The following ATG7 variants were observed in gnomAD, a reference collection of about 807,000 sequenced individuals.
ATG7 encodes ubiquitin-like modifier-activating enzyme ATG7.
ATG7 carries 70 observed loss-of-function variants against 82.4 expected under a neutral mutation model. That is an observed-to-expected ratio of 0.85 (90% CI 0.70 to 1.04). ATG7 has a LOEUF of 1.04. Among genes scored for constraint, ATG7 ranks in the 50% least tolerant of loss-of-function variants. The probability of loss-of-function intolerance (pLI) is 0.00; values close to 1 mark genes in which losing one functional copy is unlikely to be tolerated. For synonymous variants in ATG7, 287 were observed against 313.0 expected (o/e 0.92, Z 0.88); for missense variants, 792 against 864.3 (o/e 0.92, Z 1.05).
intron 20 of ATG7, among the ~76,000 whole-genome samples, chr3:11,545,704 G>C (rs957622031): frequency 1.3e-4 from 20 of 152,206 alleles, no homozygotes; most frequent in African/African-American, 4.6e-4. Context: ...TCCTGGGCGT[G>C]TGTCTCTCTG....
intron 20 of ATG7, among the ~76,000 whole-genome samples, chr3:11,494,431 T>G (rs11916067): frequency 6.6e-6 from 1 of 152,128 alleles, no homozygotes; most frequent in Admixed American, 6.5e-5. Flanking sequence ...AAATGTAACT[T>G]TAAGTTTGAA....
intron 20 of ATG7, among the ~76,000 whole-genome samples, chr3:11,527,240 G>A (rs1289702686): frequency 6.6e-6 from 1 of 151,998 alleles, no homozygotes; most frequent in Non-Finnish European, 1.5e-5. Flanking sequence ...GAGTAGCTGG[G>A]ATTGCAGGCA....
At chr3:11,347,181 T>C (rs1332280667) in intron 13 of ATG7, among the ~76,000 whole-genome samples, 1 of 152,224 alleles carries the variant, frequency 6.6e-6, no homozygotes, top group Non-Finnish European at 1.5e-5. Flanking sequence ...ATCACTTATC[T>C]TTCCTGGGCA....
At chr3:11,486,730 G>C (rs1232277139) in intron 20 of ATG7, among the ~76,000 whole-genome samples, 1 of 151,804 alleles carries the variant, frequency 6.6e-6, no homozygotes, top group East Asian at 1.9e-4. Flanking sequence ...CTAATTTATT[G>C]AGAGTTTTTA....
chr3:11,554,667 C>G, intron 20 of ATG7, 144 bp from the exon 21 acceptor site: 1 of 1,010,126 alleles, frequency 9.9e-7, no homozygotes. Context: ...TTTCCTTGTA[C>G]AGAAATGGGG....
intron 20 of ATG7, among the ~76,000 whole-genome samples, chr3:11,450,894 A>C (rs543506342): frequency 6.4e-4 from 97 of 152,320 alleles, no homozygotes; most frequent in African/African-American, 2.2e-3. Context: ...AATGCCTTCC[A>C]AAGGGCTGGT....
intron 18 of ATG7, among the ~76,000 whole-genome samples, chr3:11,369,374 A>G (rs1464241773): frequency 6.6e-6 from 1 of 150,924 alleles, no homozygotes; most frequent in Non-Finnish European, 1.5e-5. Flanking sequence ...CTCATGTTTC[A>G]CTATATCAAG....
chr3:11,332,920 C>T (rs1951854271), intron 10 of ATG7, 52 bp from the exon 11 acceptor site: 1 of 1,390,238 alleles, frequency 7.2e-7, no homozygotes. Context: ...TTTTTCTTTT[C>T]CTTCCTTTAA....
rs868201569 is a variant in ATG7, at chr3:11,540,906, T to C, written c.2080-13905T>C. 1.5e-4 allele frequency among the ~76,000 whole-genome samples: 8 copies of C among 52,710 alleles called. 1 individual carries two copies. The highest frequency in any genetic ancestry group is 1.2e-3 in the South Asian group (2 of 1,610). 34.6% of individuals were successfully genotyped at this position (52,710 alleles called of 152,430 possible). The stretch of plus-strand genomic sequence containing the variant: ...AAAAAATTTATAGTTTTAGCTTTTT[T>C]TGGGGGGGGGAGGGGGGGAGTCTTG... On this transcript the variant is annotated intron_variant, in intron 20 of 20. Transcript: ENST00000693202.
chr3:11,470,115 C>T (rs780581746), intron 20 of ATG7, among the ~76,000 whole-genome samples: 1 of 151,950 alleles, frequency 6.6e-6, no homozygotes, highest in African/African-American at 2.4e-5. Flanking sequence ...ATCTGGAAAT[C>T]CCTGGCAAGT....
rs1388861726 is a variant in ATG7 at position 11,556,615 on chromosome 3, T to C, written c.*1772T>C. The C allele has an allele frequency of 6.8e-6, 1 of 146,756 alleles. No individual in the cohort carries two copies. Among genetic ancestry groups the C allele is most frequent in the East Asian group, 1.9e-4 (1 of 5,254 alleles). 9.1% of individuals were successfully genotyped at this position (146,756 alleles called of 1,614,324 possible). Reference sequence around the variant, plus strand: ...ATCTACGACAAAAAAAAAGATCAACTTTTTTTTTCCGAACAACAAAAAAAA... The same window carrying C: ...ATCTACGACAAAAAAAAAGATCAACCTTTTTTTTCCGAACAACAAAAAAAA... On this transcript the variant is annotated 3_prime_UTR_variant, in exon 21 of 21. Transcript: ENST00000693202.
intron 20 of ATG7, among the ~76,000 whole-genome samples, chr3:11,534,074 T>G (rs1204319958): frequency 6.6e-6 from 1 of 152,066 alleles, no homozygotes; most frequent in African/African-American, 2.4e-5. Context: ...GAAAGCCTCC[T>G]CCTCCCCCCC....
the ATG7 span, among the ~76,000 whole-genome samples, chr3:11,572,066 C>G: frequency 6.6e-6 from 1 of 152,120 alleles, no homozygotes; most frequent in South Asian, 2.1e-4. Flanking sequence ...GAGATCTGCA[C>G]CACTGTATTC....
At chr3:11,480,031 CA>C (rs1362571740) in intron 20 of ATG7, among the ~76,000 whole-genome samples, 4 of 152,002 alleles carry the variant, frequency 2.6e-5, no homozygotes, top group African/African-American at 9.6e-5. Flanking sequence ...GGGTTCACGA[CA>C]TTCTCCTGCC....
intron 20 of ATG7, among the ~76,000 whole-genome samples, chr3:11,433,769 G>A (rs1339318847): frequency 1.3e-5 from 2 of 152,132 alleles, no homozygotes; most frequent in Non-Finnish European, 2.9e-5. Flanking sequence ...CAATTACAGT[G>A]CACCATTAAT....
intron 11 of ATG7, among the ~76,000 whole-genome samples, chr3:11,333,565 C>T (rs1951944357): frequency 6.6e-6 from 1 of 151,946 alleles, no homozygotes. Flanking sequence ...CAGTTATCAG[C>T]TTTTACCCCC....
intron 20 of ATG7, among the ~76,000 whole-genome samples, chr3:11,431,509 C>T (rs1214742306): frequency 3.3e-5 from 5 of 152,134 alleles, no homozygotes; most frequent in Admixed American, 2.0e-4. Context: ...TTTTCATCCC[C>T]CACACCCAAA....
intron 20 of ATG7, among the ~76,000 whole-genome samples, chr3:11,476,008 A>AT (rs1206066105): frequency 6.6e-6 from 1 of 151,818 alleles, no homozygotes; most frequent in Non-Finnish European, 1.5e-5. Flanking sequence ...CTGTGATTTT[A>AT]TTTCCCCACA....
At chr3:11,275,539 T>A (rs1235856979) in intron 1 of ATG7, among the ~76,000 whole-genome samples, 2 of 146,292 alleles carry the variant, frequency 1.4e-5, no homozygotes, top group South Asian at 4.3e-4. Context: ...TTTTTTTTTT[T>A]AGTAGAGATG....
Sources: gnomAD v4.1 joint callset for allele counts (sites outside exome capture counted in the v4.1 genomes callset) on GRCh38, gnomAD v4.1.1 for gene constraint, MANE v1.5 for transcripts, NCBI Gene and HGNC (gene_info 2026-07-23, HGNC 2026-07-21) for gene names.